ZMYM4: variants seen among roughly 807,000 people sequenced by gnomAD.
ZMYM4 encodes zinc finger MYM-type containing 4.
A neutral mutation model predicts 183.2 loss-of-function variants in ZMYM4; 31 were observed. That is an observed-to-expected ratio of 0.17 (90% CI 0.13 to 0.23). The LOEUF is 0.23. ZMYM4 is among the 10% of genes least tolerant of loss of function. ZMYM4 has a pLI of 1.00. For missense variants in ZMYM4, 1,273 were observed against 1,840.3 expected (o/e 0.69, Z 5.64); for synonymous variants, 592 against 631.2 (o/e 0.94, Z 0.93).
intron 7 of ZMYM4, among the ~76,000 whole-genome samples, chr1:35,372,907 C>G (rs766721181): frequency 7.2e-5 from 11 of 152,280 alleles, no homozygotes; most frequent in Non-Finnish European, 1.5e-4. Context: ...CCGGTAATCC[C>G]AGCACTTTGG....
chr1:35,283,954 A>G (rs1640332897), intron 1 of ZMYM4, among the ~76,000 whole-genome samples: 1 of 151,792 alleles, frequency 6.6e-6, no homozygotes, highest in African/African-American at 2.4e-5. Flanking sequence ...GCCTTGATGC[A>G]CAAAAGTTTT....
chr1:35,392,557 G>A, intron 16 of ZMYM4, 90 bp from the exon 17 acceptor site: 1 of 1,328,322 alleles, frequency 7.5e-7, no homozygotes, highest in Non-Finnish European at 1.1e-6. Flanking sequence ...TTAGTATGAG[G>A]GTTTGTGTTT....
At chr1:35,313,393 T>TC (rs1318521849) in intron 1 of ZMYM4, among the ~76,000 whole-genome samples, 3 of 147,526 alleles carry the variant, frequency 2.0e-5, no homozygotes, top group Non-Finnish European at 3.0e-5. Context: ...TCTTTTTCTT[T>TC]TTTTTTTTTT....
At chr1:35,345,072 A>T (rs1276596329) in intron 2 of ZMYM4, among the ~76,000 whole-genome samples, 3 of 152,202 alleles carry the variant, frequency 2.0e-5, no homozygotes, top group Non-Finnish European at 4.4e-5. Context: ...TCTTGTACAC[A>T]GTTAAAGTAT....
chr1:35,354,540 A>G (rs1643743869), intron 2 of ZMYM4, among the ~76,000 whole-genome samples: 1 of 152,090 alleles, frequency 6.6e-6, no homozygotes, highest in African/African-American at 2.4e-5. Flanking sequence ...CAGCCTGGCC[A>G]ACATGGTGAA....
At chr1:35,284,467 G>A (rs1640369603) in intron 1 of ZMYM4, among the ~76,000 whole-genome samples, 2 of 152,048 alleles carry the variant, frequency 1.3e-5, no homozygotes, top group Non-Finnish European at 2.9e-5. Flanking sequence ...TTTGTTTATG[G>A]TACAAAGTAA....
chr1:35,289,723 A>G (rs537844924), intron 1 of ZMYM4, among the ~76,000 whole-genome samples: 94 of 152,282 alleles, frequency 6.2e-4, no homozygotes, highest in African/African-American at 2.1e-3. Flanking sequence ...TAAGATGTCA[A>G]TAGCACTGCC....
intron 2 of ZMYM4, among the ~76,000 whole-genome samples, chr1:35,332,421 T>C (rs926053446): frequency 3.4e-4 from 51 of 151,198 alleles, no homozygotes; most frequent in Admixed American, 7.3e-4. Flanking sequence ...TTTTTTTTTT[T>C]CTCTCCACAA....
chr1:35,325,618 C>T (rs1642471718), intron 2 of ZMYM4, among the ~76,000 whole-genome samples: 2 of 151,934 alleles, frequency 1.3e-5, no homozygotes, highest in African/African-American at 2.4e-5. Flanking sequence ...ATTTTATTCT[C>T]ATAGTTATCA....
intron 1 of ZMYM4, among the ~76,000 whole-genome samples, chr1:35,271,848 T>A (rs1323439858): frequency 6.6e-6 from 1 of 152,178 alleles, no homozygotes; most frequent in African/African-American, 2.4e-5. Context: ...CTTCTAGTCC[T>A]CGCTATTCAG....
chr1:35,391,095 G>A (rs546805366), intron 15 of ZMYM4, among the ~76,000 whole-genome samples: 4 of 152,148 alleles, frequency 2.6e-5, no homozygotes, highest in African/African-American at 4.8e-5. Flanking sequence ...CCAGTGTCAC[G>A]GGCTGTAAAG....
At chr1:35,368,105 C>T (rs1047757132) in intron 5 of ZMYM4, among the ~76,000 whole-genome samples, 6 of 121,184 alleles carry the variant, frequency 5.0e-5, no homozygotes, top group Admixed American at 3.2e-4. Flanking sequence ...CCACTGCTTT[C>T]ATAAATAAAG....
chr1:35,321,544 T>C (rs1020759575), intron 1 of ZMYM4, among the ~76,000 whole-genome samples: 4 of 152,012 alleles, frequency 2.6e-5, no homozygotes, highest in Non-Finnish European at 4.4e-5. Flanking sequence ...GAGAGTCTTA[T>C]ATATCCACAG....
At chr1:35,385,384 G>A in intron 9 of ZMYM4, 58 bp from the exon 10 acceptor site, 1 of 1,533,604 alleles carries the variant, frequency 6.5e-7, no homozygotes, top group Non-Finnish European at 8.8e-7. Flanking sequence ...ACATTTCGAA[G>A]AATTATGCTT....
At chr1:35,313,399 T>TTG (rs1641893259) in intron 1 of ZMYM4, among the ~76,000 whole-genome samples, 1 of 149,412 alleles carries the variant, frequency 6.7e-6, no homozygotes, top group South Asian at 2.1e-4. Context: ...TCTTTTTTTT[T>TTG]TTTTTTTGAG....
intron 2 of ZMYM4, among the ~76,000 whole-genome samples, chr1:35,354,218 G>T (rs1447311693): frequency 6.6e-6 from 1 of 152,144 alleles, no homozygotes; most frequent in Non-Finnish European, 1.5e-5. Flanking sequence ...GCATTTCAAA[G>T]ATTTAAAAAT....
intron 1 of ZMYM4, among the ~76,000 whole-genome samples, chr1:35,324,327 G>A (rs1376585848): frequency 6.6e-6 from 1 of 151,986 alleles, no homozygotes; most frequent in South Asian, 2.1e-4. Context: ...TTGATCTCCT[G>A]ACCTTGTGAT....
intron 18 of ZMYM4, among the ~76,000 whole-genome samples, chr1:35,394,071 T>C (rs1364358314): frequency 1.3e-5 from 2 of 151,566 alleles, no homozygotes; most frequent in Non-Finnish European, 2.9e-5. Context: ...TTTTCCAGTG[T>C]GACCTTAGGT....
intron 1 of ZMYM4, among the ~76,000 whole-genome samples, chr1:35,290,925 T>A (rs1640730002): frequency 6.6e-6 from 1 of 152,242 alleles, no homozygotes; most frequent in Non-Finnish European, 1.5e-5. Flanking sequence ...TCTAGTTCTC[T>A]AGAAATTAAA....
Sources: allele counts gnomAD v4.1 joint callset (sites outside exome capture counted in the v4.1 genomes callset), GRCh38; gene constraint gnomAD v4.1.1; transcripts MANE v1.5; gene names NCBI Gene and HGNC (gene_info 2026-07-23, HGNC 2026-07-21).